Variants in CCDC3 observed in about 807,000 individuals in gnomAD.
The protein encoded by CCDC3 is coiled-coil domain containing 3, also known as coiled-coil domain-containing protein 3.
Under a neutral mutation model 21.4 loss-of-function variants are expected in CCDC3, and 24 were observed. The ratio of observed to expected loss-of-function variants is 1.12; its 90% CI spans 0.81 to 1.58. The LOEUF (loss-of-function observed/expected upper bound fraction) is 1.58, where lower values mean the gene tolerates loss of function less well. Among genes scored for constraint, CCDC3 ranks in the 40% most tolerant of loss-of-function variants. The probability of loss-of-function intolerance (pLI) is 0.00; values close to 1 mark genes in which losing one functional copy is unlikely to be tolerated. For synonymous variants in CCDC3, 186 were observed against 166.0 expected (o/e 1.12, Z -0.93); for missense variants, 425 against 360.9 (o/e 1.18, Z -1.44).
chr10:12,926,641 C>T (rs1476671631), intron 2 of CCDC3, among the ~76,000 whole-genome samples: 2 of 152,150 alleles, frequency 1.3e-5, no homozygotes, highest in African/African-American at 4.8e-5. Context: ...GGACTAAACA[C>T]TAATAAGTGT....
At chr10:13,019,891 G>A (rs1047325376) in intron 5 of CCDC3, among the ~76,000 whole-genome samples, 2 of 152,184 alleles carry the variant, frequency 1.3e-5, no homozygotes, top group East Asian at 3.8e-4. Flanking sequence ...AGCTACTCAG[G>A]AGGCTGAGGC....
intron 2 of CCDC3, among the ~76,000 whole-genome samples, chr10:12,920,198 G>A (rs34518551): frequency 0.27 from 40,478 of 152,002 alleles, 5,618 homozygotes; most frequent in South Asian, 0.41. Flanking sequence ...CTTACATGGC[G>A]GCAGGCACGA....
chr10:13,058,448 G>A (rs931069364), intron 4 of CCDC3: 1 of 759,810 alleles, frequency 1.3e-6, no homozygotes, highest in Non-Finnish European at 2.4e-6. Flanking sequence ...TGCATATGCT[G>A]CGCAGACTAT....
At chr10:13,070,078 G>A (rs913892773) in intron 4 of CCDC3, among the ~76,000 whole-genome samples, 5 of 148,460 alleles carry the variant, frequency 3.4e-5, no homozygotes, top group Non-Finnish European at 5.9e-5. Flanking sequence ...TTAACTGAAC[G>A]GTCTAAACTA....
chr10:12,937,902 G>A (rs1182475847), intron 2 of CCDC3, among the ~76,000 whole-genome samples: 1 of 152,150 alleles, frequency 6.6e-6, no homozygotes, highest in East Asian at 1.9e-4. Flanking sequence ...CTGTGTCTCA[G>A]TCATCACCCA....
chr10:13,016,220 T>C (rs997201877), intron 5 of CCDC3, among the ~76,000 whole-genome samples: 18 of 150,688 alleles, frequency 1.2e-4, no homozygotes, highest in Non-Finnish European at 2.4e-4. Flanking sequence ...TCCCCTCCCA[T>C]AGAGTTAACA....
At chr10:12,900,690 C>CAAAAA (rs547349413) in intron 2 of CCDC3, among the ~76,000 whole-genome samples, 1 of 63,440 alleles carries the variant, frequency 1.6e-5, no homozygotes, top group Non-Finnish European at 3.0e-5. Flanking sequence ...CACTCCATCT[C>CAAAAA]AAAAAAAAAA....
intron 2 of CCDC3, among the ~76,000 whole-genome samples, chr10:12,957,575 G>T (rs908876164): frequency 7.9e-5 from 12 of 152,192 alleles, no homozygotes; most frequent in Admixed American, 4.6e-4. Context: ...TGGATCAGGG[G>T]AGTGGATTTT....
intron 5 of CCDC3, among the ~76,000 whole-genome samples, chr10:13,011,444 C>T (rs1361237606): frequency 6.6e-6 from 1 of 151,952 alleles, no homozygotes. Flanking sequence ...AGAATTGCTA[C>T]AAAAAGAATA....
intron 2 of CCDC3, among the ~76,000 whole-genome samples, chr10:12,922,278 C>G (rs61852249): frequency 6.6e-6 from 1 of 152,096 alleles, no homozygotes; most frequent in African/African-American, 2.4e-5. Context: ...CCAAGTTACC[C>G]GCACTCGGAC....
intron 1 of CCDC3, chr10:13,099,461 C>G (rs1832689254): frequency 6.7e-6 from 1 of 148,976 alleles, no homozygotes; most frequent in African/African-American, 2.5e-5. Flanking sequence ...CCCTGCAGCG[C>G]TACCCGGGTA....
intron 2 of CCDC3, among the ~76,000 whole-genome samples, chr10:12,948,501 G>A (rs1834956297): frequency 6.6e-6 from 1 of 151,424 alleles, no homozygotes; most frequent in Admixed American, 6.6e-5. Context: ...ACACGGGAGG[G>A]GCCACCTTCA....
chr10:12,907,438 A>G (rs970091788), intron 2 of CCDC3, among the ~76,000 whole-genome samples: 3 of 152,090 alleles, frequency 2.0e-5, no homozygotes, highest in Non-Finnish European at 4.4e-5. Context: ...TGAGGTCAGG[A>G]GTTTGAGACC....
At chr10:12,904,321 T>C (rs1834138913) in intron 2 of CCDC3, among the ~76,000 whole-genome samples, 1 of 151,514 alleles carries the variant, frequency 6.6e-6, no homozygotes, top group Non-Finnish European at 1.5e-5. Context: ...AAATAAAAAA[T>C]AGCCCGGCAT....
rs117483026 is a variant in CCDC3, at chr10:13,051,648, A to C, written c.-269-1707T>G. 4.5e-3 allele frequency among the ~76,000 whole-genome samples: 687 copies of C among 152,254 alleles called. 28 individuals carry two copies. In the South Asian group the frequency reaches 0.085, roughly 19 times the overall value. ...TAAGGACAGACTTCAGATGTTACCA[A>C]GGCTGGGGAATATCTAAAGTCTGGG... On this transcript the variant is annotated intron_variant, in intron 4 of 6. Transcript: ENST00000378839.
intron 2 of CCDC3, among the ~76,000 whole-genome samples, chr10:12,934,796 T>C (rs1834708788): frequency 1.3e-5 from 2 of 151,734 alleles, no homozygotes; most frequent in South Asian, 4.1e-4. Context: ...GGTATGGCTT[T>C]CTGCGTCCCT....
At chr10:12,998,967 C>T (rs1414267210) in intron 1 of CCDC3, among the ~76,000 whole-genome samples, 2 of 152,182 alleles carry the variant, frequency 1.3e-5, no homozygotes, top group East Asian at 1.9e-4. Flanking sequence ...TGGCTAGGTG[C>T]GGTGGCTCAC....
At chr10:13,072,954 C>T (rs1330433766) in intron 4 of CCDC3, among the ~76,000 whole-genome samples, 1 of 150,852 alleles carries the variant, frequency 6.6e-6, no homozygotes, top group African/African-American at 2.4e-5. Context: ...GCAACCTCCA[C>T]CTCCTGGGTT....
rs1255402903 is a variant in CCDC3 at position 13,001,575 on chromosome 10, G to A, written c.-5C>T. The A allele has an allele frequency of 1.6e-6, 2 of 1,212,614 alleles. No homozygotes were observed. Among genetic ancestry groups the A allele is most frequent in the East Asian group, 3.4e-5 (1 of 29,560 alleles). 75.1% of individuals were successfully genotyped at this position (1,212,614 alleles called of 1,614,324 possible). A position where few individuals can be genotyped will look rare whatever the true frequency, so the allele number is the denominator to read the frequency against. ...GAGCAGCAGCTGGCGCAGCATGCCG[G>A]GCCCTCCCGGGGCGCACGGGGCGGC... On this transcript the variant is annotated 5_prime_UTR_variant, in exon 1 of 3. Coordinates refer to ENST00000378825, the MANE Select transcript of CCDC3 (RefSeq NM_031455.4).
Sources: allele counts gnomAD v4.1 joint callset (sites outside exome capture counted in the v4.1 genomes callset), GRCh38; gene constraint gnomAD v4.1.1; transcripts MANE v1.5; gene names NCBI Gene and HGNC (gene_info 2026-07-23, HGNC 2026-07-21).